The following ATRNL1 variants were observed in gnomAD, a reference collection of about 807,000 sequenced individuals.
The protein encoded by ATRNL1 is attractin-like protein 1.
A neutral mutation model predicts 182.7 loss-of-function variants in ATRNL1; 95 were observed. The observed-to-expected ratio is 0.52, with a 90% CI of 0.44 to 0.62. The LOEUF is 0.62. ATRNL1 is among the 20% of genes least tolerant of loss of function. ATRNL1 has a pLI of 0.00. For synonymous variants in ATRNL1, 576 were observed against 568.3 expected (o/e 1.01, Z -0.19); for missense variants, 1,471 against 1,679.5 (o/e 0.88, Z 2.17).
At chr10:115,773,942 T>C (rs1266603322) in intron 27 of ATRNL1, among the ~76,000 whole-genome samples, 1 of 152,140 alleles carries the variant, frequency 6.6e-6, no homozygotes, top group Non-Finnish European at 1.5e-5. Context: ...ATTTATGAGG[T>C]TACACATTAT....
At chr10:115,120,765 T>C (rs186424428) in intron 2 of ATRNL1, among the ~76,000 whole-genome samples, 61 of 152,268 alleles carry the variant, frequency 4.0e-4, no homozygotes, top group African/African-American at 1.4e-3. Flanking sequence ...TGAATTATTT[T>C]TGAACTGTTT....
At chr10:115,658,940 A>C (rs1779466282) in intron 26 of ATRNL1, among the ~76,000 whole-genome samples, 2 of 152,168 alleles carry the variant, frequency 1.3e-5, no homozygotes, top group African/African-American at 2.4e-5. Flanking sequence ...TGGTGGCAGC[A>C]AGGAGAAGAA....
chr10:115,672,614 C>T (rs74158237), intron 26 of ATRNL1, among the ~76,000 whole-genome samples: 1,761 of 152,108 alleles, frequency 0.012, 35 homozygotes, highest in African/African-American at 0.04. Context: ...ATATAGGCTT[C>T]TTAGATTTCG....
chr10:115,389,580 A>ATATACATATATATATATG (rs1564990277), intron 19 of ATRNL1, among the ~76,000 whole-genome samples: 14 of 108,998 alleles, frequency 1.3e-4, no homozygotes, highest in African/African-American at 4.8e-4. Context: ...ATATATATAT[A>ATATACATATATATATATG]TATATATATA....
intron 8 of ATRNL1, among the ~76,000 whole-genome samples, chr10:115,210,530 T>C (rs1848981105): frequency 6.6e-6 from 1 of 151,996 alleles, no homozygotes; most frequent in South Asian, 2.1e-4. Context: ...CATTTTATAA[T>C]TTTGTGATTC....
At position 115,479,948 on chromosome 10, in the gene ATRNL1, G is replaced by T. The variant is rs571449807; in HGVS notation, c.3654+10619G>T. 2.0e-5 allele frequency among the ~76,000 whole-genome samples: 3 copies of T among 151,296 alleles called. No homozygotes were observed. The East Asian group carries it at 5.8e-4, about 29-fold the overall frequency. On this transcript the variant is annotated intron_variant, in intron 24 of 28. Coordinates refer to ENST00000355044, the MANE Select transcript of ATRNL1 (RefSeq NM_207303.4). ...TTGACTCTCAATTACCTGTTTCTGA[G>T]CAAACTGGCTTTGACAATTCACTAT...
chr10:115,881,723 A>G (rs1589643832), intron 28 of ATRNL1, among the ~76,000 whole-genome samples: 1 of 152,278 alleles, frequency 6.6e-6, no homozygotes, highest in South Asian at 2.1e-4. Flanking sequence ...CATTTCGTAA[A>G]TGTGGAAAGC....
chr10:115,536,237 A>C (rs10885733), intron 25 of ATRNL1, among the ~76,000 whole-genome samples: 85 of 151,454 alleles, frequency 5.6e-4, no homozygotes, highest in Non-Finnish European at 8.1e-4. Flanking sequence ...AGACAGGCAG[A>C]CCTCCTTGAG....
intron 28 of ATRNL1, among the ~76,000 whole-genome samples, chr10:115,902,615 G>A (rs1211942475): frequency 6.6e-6 from 1 of 152,174 alleles, no homozygotes; most frequent in Non-Finnish European, 1.5e-5. Flanking sequence ...TTTTTGATGA[G>A]AGAAGCTACA....
At chr10:115,457,181 C>T (rs1257415631) in intron 21 of ATRNL1, among the ~76,000 whole-genome samples, 4 of 152,126 alleles carry the variant, frequency 2.6e-5, no homozygotes, top group East Asian at 1.9e-4. Flanking sequence ...AAGGAAAGCT[C>T]TCAAGCTCTC....
chr10:115,360,174 A>G (rs1564951993), intron 19 of ATRNL1, among the ~76,000 whole-genome samples: 1 of 151,784 alleles, frequency 6.6e-6, no homozygotes, highest in East Asian at 1.9e-4. Context: ...TACCCTTAAT[A>G]TATGTAGGAA....
chr10:115,242,849 A>G lies in ATRNL1; in HGVS notation c.1687+1124A>G, dbSNP rs1415293932. Among the ~76,000 whole-genome samples the G allele has an allele frequency of 2.0e-5, 3 of 152,202 alleles. No individual in the cohort carries two copies. In the East Asian group the frequency reaches 5.8e-4, roughly 29 times the overall value. On this transcript the variant is annotated intron_variant, in intron 10 of 28. Coordinates refer to ENST00000355044, the MANE Select transcript of ATRNL1 (RefSeq NM_207303.4). ...TGATCTTTTTCTTTTTGAAATAATA[A>G]TTTGAAGTGGTAACTCCTGACGAAC...
At chr10:115,184,302 A>G (rs1335946424) in intron 8 of ATRNL1, among the ~76,000 whole-genome samples, 4 of 151,654 alleles carry the variant, frequency 2.6e-5, no homozygotes, top group South Asian at 4.1e-4. Flanking sequence ...AAGCATTTCT[A>G]TTCACTTCAA....
intron 8 of ATRNL1, among the ~76,000 whole-genome samples, chr10:115,196,097 G>A (rs1322108919): frequency 6.6e-6 from 1 of 151,994 alleles, no homozygotes; most frequent in African/African-American, 2.4e-5. Flanking sequence ...AGAGTTCAAG[G>A]CTACAGTGAA....
At chr10:115,305,864 C>T (rs77913044) in intron 17 of ATRNL1, among the ~76,000 whole-genome samples, 1,783 of 152,178 alleles carry the variant, frequency 0.012, 33 homozygotes, top group African/African-American at 0.04. Flanking sequence ...GGAAATGAAA[C>T]AAGAGAGGCA....
intron 26 of ATRNL1, among the ~76,000 whole-genome samples, chr10:115,708,368 T>C (rs946084439): frequency 3.3e-5 from 5 of 151,694 alleles, no homozygotes; most frequent in African/African-American, 1.2e-4. Flanking sequence ...CCTGAGAAAA[T>C]TGGAGCCTGA....
chr10:115,463,736 T>G (rs1847924222), intron 22 of ATRNL1, among the ~76,000 whole-genome samples: 1 of 152,054 alleles, frequency 6.6e-6, no homozygotes, highest in African/African-American at 2.4e-5. Flanking sequence ...TCTAGGTACC[T>G]CATATAAATG....
rs1233728449 is a variant in ATRNL1, at chr10:115,436,657, A to G, written c.3322+10355A>G. Among the ~76,000 whole-genome samples, 10 of 152,250 alleles carry G rather than the reference A, an allele frequency of 6.6e-5. 1 individual carries two copies. The highest frequency in any genetic ancestry group is 2.1e-4 in the South Asian group (1 of 4,834). On this transcript the variant is annotated intron_variant, in intron 21 of 28. Coordinates refer to ENST00000355044, the MANE Select transcript of ATRNL1 (RefSeq NM_207303.4). The stretch of plus-strand genomic sequence containing the variant: ...ATATTTATGTACAAAACAATTTTAT[A>G]TTAATAATTTCAGTATTCCCAAGGG...
chr10:115,550,089 A>G (rs1852879880), intron 26 of ATRNL1, among the ~76,000 whole-genome samples: 2 of 151,840 alleles, frequency 1.3e-5, no homozygotes. Context: ...ATTGATGAAA[A>G]CAATAATATT....
Sources: allele counts gnomAD v4.1 joint callset (sites outside exome capture counted in the v4.1 genomes callset), GRCh38; gene constraint gnomAD v4.1.1; transcripts MANE v1.5; gene names NCBI Gene and HGNC (gene_info 2026-07-23, HGNC 2026-07-21).